The following EVC variants were observed in gnomAD, a reference collection of about 807,000 sequenced individuals.
EVC encodes the protein EvC ciliary complex subunit 1.
Under a neutral mutation model 118.9 loss-of-function variants are expected in EVC, and 116 were observed. That is an observed-to-expected ratio of 0.98 (90% CI 0.84 to 1.14). The LOEUF is 1.14. Among genes scored for constraint, EVC ranks in the 50% most tolerant of loss-of-function variants. The pLI is 0.00. For synonymous variants in EVC, 619 were observed against 534.7 expected (o/e 1.16, Z -2.18); for missense variants, 1,401 against 1,246.4 (o/e 1.12, Z -1.87).
chr4:5,725,484 G>A (rs1204782276), intron 2 of EVC, among the ~76,000 whole-genome samples: 1 of 152,130 alleles, frequency 6.6e-6, no homozygotes, highest in Non-Finnish European at 1.5e-5. Flanking sequence ...GTGATGTTGA[G>A]CTTTTTTTCA....
chr4:5,715,128 T>C (rs1723736139), intron 1 of EVC, among the ~76,000 whole-genome samples: 1 of 152,348 alleles, frequency 6.6e-6, no homozygotes, highest in South Asian at 2.1e-4. Context: ...TTTTTTCATT[T>C]GCTTAGATTC....
rs921693924 is a variant in EVC at position 5,756,968 on chromosome 4, A to G, written c.1563+606A>G. ...AAGACAGGAGTGTGGACACCTGGCT[A>G]TGAAGGAATCAACCAGTGGGTGTTG... On this transcript the variant is annotated intron_variant, in intron 11 of 20. Transcript: ENST00000264956. This position sits in a 1 kb window ranked among gnomAD's most constrained non-coding sequence, Gnocchi z 4.2. Among the ~76,000 whole-genome samples the G allele has an allele frequency of 6.6e-6, 1 of 152,164 alleles. No homozygotes were observed. The highest frequency in any genetic ancestry group is 1.5e-5 in the Non-Finnish European group (1 of 68,018).
chr4:5,727,190 A>G (rs970144298), intron 2 of EVC, among the ~76,000 whole-genome samples: 2 of 151,986 alleles, frequency 1.3e-5, no homozygotes, highest in Non-Finnish European at 2.9e-5. Context: ...TCCCACCAAC[A>G]GTGTAAAAGT....
At chr4:5,712,582 G>C (rs1366868733) in intron 1 of EVC, among the ~76,000 whole-genome samples, 2 of 152,166 alleles carry the variant, frequency 1.3e-5, no homozygotes, top group Non-Finnish European at 1.5e-5. Flanking sequence ...AGATGGCGTG[G>C]TCTTGCTACC....
intron 15 of EVC, among the ~76,000 whole-genome samples, chr4:5,801,420 T>C (rs1459311779): frequency 6.6e-6 from 1 of 152,160 alleles, no homozygotes; most frequent in Non-Finnish European, 1.5e-5. Flanking sequence ...GGCTCATGCC[T>C]GTACTCCAAG....
At position 5,789,772 on chromosome 4, in the gene EVC, G is replaced by C. The variant is rs1365981621; in HGVS notation, c.1777-3836G>C. Among the ~76,000 whole-genome samples the C allele has an allele frequency of 1.3e-5, 2 of 152,206 alleles. No individual in the cohort carries two copies. The highest frequency in any genetic ancestry group is 2.9e-5 in the Non-Finnish European group (2 of 68,036). ...ACAGCTGCAGGCACCATCTGGTCCA[G>C]AGATCTTGACCTTATCGATCATCAT... On this transcript the variant is annotated intron_variant, in intron 12 of 20. Coordinates refer to ENST00000264956, the MANE Select transcript of EVC (RefSeq NM_153717.3). The surrounding 1 kb of genome is among the most constrained non-coding windows in gnomAD (Gnocchi z 4.3).
At chr4:5,769,110 AG>A (rs1452558957) in intron 11 of EVC, among the ~76,000 whole-genome samples, 1 of 152,152 alleles carries the variant, frequency 6.6e-6, no homozygotes, top group Non-Finnish European at 1.5e-5. Flanking sequence ...CCCGAGACTG[AG>A]TAATTTATAA....
chr4:5,810,501 CT>C (rs1301651998), intron 20 of EVC, 51 bp downstream of exon 20: 1 of 1,404,296 alleles, frequency 7.1e-7, no homozygotes, highest in Non-Finnish European at 9.9e-7. Flanking sequence ...GGTAAATGCA[CT>C]CAGCTGCTGT....
chr4:5,779,076 A>G (rs1277330915), intron 11 of EVC, among the ~76,000 whole-genome samples: 1 of 152,196 alleles, frequency 6.6e-6, no homozygotes, highest in Non-Finnish European at 1.5e-5. Flanking sequence ...CAGTTTTCCC[A>G]GCACCATTTA....
chr4:5,798,766 C>T lies in EVC; in HGVS notation c.2278C>T (p.Arg760Trp), dbSNP rs200479973. 1.3e-4 allele frequency: 209 copies of T among 1,611,142 alleles called. No homozygotes were observed. The highest frequency in any genetic ancestry group is 2.2e-4 in the Middle Eastern group (1 of 4,504). ...VHARNAATKS[R>W]AKDRDDFKRT... ...TGCACGGAATGCAGCCACCAAGAGC[C>T]GGGCCAAGGACAGGGATGACTTCAA... The change falls in exon 15 of 21, where the codon CGG becomes TGG. Residue 760 changes from arginine to tryptophan, a missense_variant. Coordinates refer to ENST00000264956, the MANE Select transcript of EVC (RefSeq NM_153717.3). This position sits in a 1 kb window ranked among gnomAD's most constrained non-coding sequence, Gnocchi z 4.1.
Position 5,748,234 on chromosome 4 carries a change from G to T in EVC, c.1026G>T (p.Leu342=). The change falls in exon 8 of 21, where the codon CTG becomes CTT. Residue 342 remains leucine, a synonymous_variant. Coordinates refer to ENST00000264956, the MANE Select transcript of EVC (RefSeq NM_153717.3). ...FKCSSSKARQ[L]MMTLTERMIA... ...GTTCCAGCTCCAAAGCCCGACAGCT[G>T]ATGATGACTCTGACGGAAAGAATGA... 6.2e-7 allele frequency: 1 copy of T among 1,613,804 alleles called. No individual in the cohort carries two copies. The highest frequency in any genetic ancestry group is 8.5e-7 in the Non-Finnish European group (1 of 1,179,934).
intron 11 of EVC, among the ~76,000 whole-genome samples, chr4:5,782,313 G>A (rs1735717931): frequency 6.6e-6 from 1 of 150,966 alleles, no homozygotes; most frequent in Non-Finnish European, 1.5e-5. Context: ...AACCTCAGGT[G>A]ATCTACCCAC....
At chr4:5,759,036 G>A (rs1331333681) in intron 11 of EVC, among the ~76,000 whole-genome samples, 1 of 150,166 alleles carries the variant, frequency 6.7e-6, no homozygotes, top group Non-Finnish European at 1.5e-5. Flanking sequence ...ATAAGGGCGT[G>A]GGAAGAAGCA....
chr4:5,806,396 G>C (rs2335440), intron 17 of EVC, among the ~76,000 whole-genome samples: 65,722 of 151,858 alleles, frequency 0.43, 14,419 homozygotes, highest in South Asian at 0.47. Context: ...TCTACTCGCT[G>C]TGTCCATGTG....
chr4:5,717,987 C>T (rs554762190), intron 1 of EVC, among the ~76,000 whole-genome samples: 6 of 152,344 alleles, frequency 3.9e-5, no homozygotes, highest in African/African-American at 9.6e-5. Context: ...TGACACAAAG[C>T]AGATGCTCGA....
At chr4:5,723,026 C>T (rs1216817304) in intron 2 of EVC, among the ~76,000 whole-genome samples, 2 of 152,122 alleles carry the variant, frequency 1.3e-5, no homozygotes, top group East Asian at 1.9e-4. Flanking sequence ...AGACCATGAC[C>T]GTCCTTGGGC....
chr4:5,720,652 G>A (rs1724794659), intron 2 of EVC, among the ~76,000 whole-genome samples: 2 of 152,192 alleles, frequency 1.3e-5, no homozygotes, highest in Non-Finnish European at 2.9e-5. Flanking sequence ...CTCCCTCCCT[G>A]GCTGGTGGGA....
rs1730054185 is a variant in EVC at position 5,749,686 on chromosome 4, A to G, written c.1098+1380A>G. ...CGCCAGTGTGTACTAGGGCCAGGGA[A>G]CGAGCCCTCTGATGCTGCCCTGCAC... On this transcript the variant is annotated intron_variant, in intron 8 of 20. Transcript: ENST00000264956. The surrounding 1 kb of genome is among the most constrained non-coding windows in gnomAD (Gnocchi z 4.4). 6.6e-6 allele frequency among the ~76,000 whole-genome samples: 1 copy of G among 152,126 alleles called. No individual in the cohort carries two copies. Among genetic ancestry groups the G allele is most frequent in the Non-Finnish European group, 1.5e-5 (1 of 68,034 alleles).
intron 12 of EVC, among the ~76,000 whole-genome samples, chr4:5,787,309 A>G (rs1048943970): frequency 1.4e-4 from 22 of 152,230 alleles, no homozygotes; most frequent in African/African-American, 9.6e-5. Flanking sequence ...GGCAAAAAGG[A>G]CTTTGCAAAT....
Sources: gnomAD v4.1 joint callset for allele counts (sites outside exome capture counted in the v4.1 genomes callset) on GRCh38, gnomAD v4.1.1 for gene constraint, Gnocchi (gnomAD v3.1) non-coding constraint, MANE v1.5 for transcripts, NCBI Gene and HGNC (gene_info 2026-07-23, HGNC 2026-07-21) for gene names.